The following TRHDE variants were observed in gnomAD, a reference collection of about 807,000 sequenced individuals.
The protein encoded by TRHDE is thyrotropin releasing hormone degrading enzyme.
Under a neutral mutation model 125.7 loss-of-function variants are expected in TRHDE, and 72 were observed. The observed-to-expected ratio is 0.57, with a 90% CI of 0.47 to 0.70. The LOEUF is 0.70. Among genes scored for constraint, TRHDE ranks in the 30% least tolerant of loss-of-function variants. The pLI, the probability that TRHDE is intolerant of heterozygous loss-of-function variation, is 0.00. For missense variants in TRHDE, 1,110 were observed against 1,327.1 expected, an observed-to-expected ratio of 0.84 and a Z score of 2.54; for synonymous variants, 509 against 509.1, an observed-to-expected ratio of 1.00 and a Z score of 0.00.
chr12:72,380,885 TCTTCCTTCCTTC>T (rs202006141), intron 3 of TRHDE, among the ~76,000 whole-genome samples: 56 of 146,620 alleles, frequency 3.8e-4, no homozygotes, highest in African/African-American at 1.4e-3. Flanking sequence ...CTTCTTTCTT[TCTTCCTTCCTTC>T]CTTCCTTCCT....
chr12:72,279,592 C>G (rs1419147810), intron 1 of TRHDE, among the ~76,000 whole-genome samples: 4 of 152,186 alleles, frequency 2.6e-5, no homozygotes, highest in Non-Finnish European at 4.4e-5. Context: ...GTGAAAAATA[C>G]TTCCTGCTTT....
At chr12:72,331,737 C>T (rs1869608542) in intron 2 of TRHDE, among the ~76,000 whole-genome samples, 1 of 152,152 alleles carries the variant, frequency 6.6e-6, no homozygotes, top group Admixed American at 6.5e-5. Context: ...AATGGCCCAA[C>T]CTAGAGGAAG....
intron 2 of TRHDE, among the ~76,000 whole-genome samples, chr12:72,149,719 A>G (rs1038418285): frequency 3.3e-5 from 5 of 152,178 alleles, no homozygotes; most frequent in Admixed American, 1.3e-4. Context: ...AAAGAGAGCA[A>G]TTGCTAATAT....
chr12:72,324,984 C>T (rs1408622738), intron 2 of TRHDE, among the ~76,000 whole-genome samples: 4 of 152,034 alleles, frequency 2.6e-5, no homozygotes, highest in South Asian at 2.1e-4. Flanking sequence ...GTTGTACTTC[C>T]GGAGTGTCAA....
At chr12:72,638,229 T>C (rs1457283472) in intron 15 of TRHDE, among the ~76,000 whole-genome samples, 1 of 149,300 alleles carries the variant, frequency 6.7e-6, no homozygotes, top group African/African-American at 2.5e-5. Flanking sequence ...TAGCTCTTCT[T>C]GTTGAATTGA....
intron 10 of TRHDE, among the ~76,000 whole-genome samples, chr12:72,569,397 G>A (rs1870614765): frequency 6.6e-6 from 1 of 152,210 alleles, no homozygotes; most frequent in South Asian, 2.1e-4. Flanking sequence ...CCCAGATATT[G>A]TTTTTCTTAC....
rs1880254256 is a variant in TRHDE at position 72,295,362 on chromosome 12, A to C, written c.1188+8408A>C. ...TCCCTGATGCAGCCAGTGTGATGGC[A>C]GCAGCTGCTCCAGATGGCCCACTGC... On this transcript the variant is annotated intron_variant, in intron 2 of 18. Transcript: ENST00000261180. Among the ~76,000 whole-genome samples the C allele has an allele frequency of 2.0e-5, 3 of 152,162 alleles. No homozygotes were observed. The South Asian group carries it at 6.2e-4, about 32-fold the overall frequency.
At chr12:72,208,390 A>AC (rs1477512150) in intron 2 of TRHDE, among the ~76,000 whole-genome samples, 1 of 152,138 alleles carries the variant, frequency 6.6e-6, no homozygotes, top group East Asian at 1.9e-4. Flanking sequence ...TGAATATCCA[A>AC]CCTGATATTC....
chr12:72,147,319 C>T (rs1358565666), intron 2 of TRHDE, among the ~76,000 whole-genome samples: 1 of 152,116 alleles, frequency 6.6e-6, no homozygotes, highest in Non-Finnish European at 1.5e-5. Flanking sequence ...TCTAAGCAGG[C>T]TTGGTTCAGC....
chr12:72,568,494 C>A (rs1025055846), intron 9 of TRHDE, 74 bp from the exon 10 acceptor site: 4 of 1,044,138 alleles, frequency 3.8e-6, no homozygotes, highest in African/African-American at 1.6e-5. Context: ...ACACAGAAGG[C>A]GCATGGGAAA....
At chr12:72,138,572 A>G (rs1876042332) in intron 2 of TRHDE, among the ~76,000 whole-genome samples, 1 of 152,166 alleles carries the variant, frequency 6.6e-6, no homozygotes, top group Admixed American at 6.5e-5. Flanking sequence ...ACCAGAAGAG[A>G]GCCAGGTGGA....
intron 3 of TRHDE, among the ~76,000 whole-genome samples, chr12:72,418,348 T>A (rs903891101): frequency 6.6e-5 from 10 of 152,224 alleles, no homozygotes; most frequent in Non-Finnish European, 5.9e-5. Context: ...CCAATTTTTT[T>A]AAGATACATG....
At chr12:72,637,837 G>A (rs1873835423) in intron 15 of TRHDE, among the ~76,000 whole-genome samples, 2 of 151,304 alleles carry the variant, frequency 1.3e-5, no homozygotes, top group South Asian at 4.2e-4. Context: ...TTAATCCTGA[G>A]TTCTAGTTTG....
chr12:72,097,433 TCAC>T (rs1566212327), intron 1 of TRHDE, among the ~76,000 whole-genome samples: 2 of 16,002 alleles, frequency 1.2e-4, no homozygotes, highest in Non-Finnish European at 3.4e-4. Flanking sequence ...TAGCATTTTC[TCAC>T]TGAATTTTTT....
chr12:72,407,258 A>G (rs558029322), intron 3 of TRHDE, among the ~76,000 whole-genome samples: 1 of 152,208 alleles, frequency 6.6e-6, no homozygotes, highest in African/African-American at 2.4e-5. Flanking sequence ...TCTGACTTGC[A>G]TGTGAGAAAA....
At chr12:72,441,307 A>G (rs1592447181) in intron 3 of TRHDE, among the ~76,000 whole-genome samples, 1 of 150,426 alleles carries the variant, frequency 6.6e-6, no homozygotes, top group East Asian at 1.9e-4. Flanking sequence ...TTTGCATGGA[A>G]AAAATAGTTT....
chr12:72,347,891 G>A (rs940452469), intron 2 of TRHDE, among the ~76,000 whole-genome samples: 7 of 151,880 alleles, frequency 4.6e-5, no homozygotes, highest in African/African-American at 7.3e-5. Context: ...CATATTACCA[G>A]GCTCAGGTGA....
At chr12:72,447,123 C>A (rs1285818877) in intron 3 of TRHDE, among the ~76,000 whole-genome samples, 3 of 151,872 alleles carry the variant, frequency 2.0e-5, no homozygotes, top group Non-Finnish European at 4.4e-5. Flanking sequence ...GAAGTAAAGC[C>A]CTCCTCAGCA....
intron 2 of TRHDE, chr12:72,256,131 G>C (rs371230803): frequency 5.9e-5 from 9 of 152,042 alleles, no homozygotes; most frequent in African/African-American, 2.2e-4. Context: ...AACTTTCATG[G>C]CTCTTTCCAA....
Sources: allele counts gnomAD v4.1 joint callset (sites outside exome capture counted in the v4.1 genomes callset), GRCh38; gene constraint gnomAD v4.1.1; transcripts MANE v1.5; gene names NCBI Gene and HGNC (gene_info 2026-07-23, HGNC 2026-07-21).